Variants in POLR2D observed in about 807,000 individuals in gnomAD.
POLR2D encodes the protein RNA polymerase II subunit D.
In POLR2D, 10 loss-of-function variants were observed where a neutral mutation model predicts 17.6. That is an observed-to-expected ratio of 0.57 (90% CI 0.35 to 0.96). The LOEUF is 0.96. Ranked by LOEUF, POLR2D falls within the 40% of genes least tolerant of loss-of-function variation. The pLI is 0.02. For synonymous variants in POLR2D, 52 were observed against 60.2 expected, an observed-to-expected ratio of 0.86 and a Z score of 0.63; for missense variants, 126 against 176.4, an observed-to-expected ratio of 0.71 and a Z score of 1.62.
At chr2:127,851,567 C>A (rs1189941410) in intron 2 of POLR2D, among the ~76,000 whole-genome samples, 1 of 152,160 alleles carries the variant, frequency 6.6e-6, no homozygotes, top group African/African-American at 2.4e-5. Context: ...ACAGTGAGAC[C>A]TTGTCTCTAA....
Position 127,858,062 on chromosome 2 carries a change from T to C in POLR2D, c.39A>G (p.Val13=). ...AGATGAGCTGTGAGGCGTCCTCCTC[T>C]ACGTCGCCAGCCCGCGGATCGCTGC... ...AGGSDPRAGD[V]EEDASQLIFP... Residue 13 remains valine, a synonymous_variant, in exon 1 of 4, where the codon GTA becomes GTG. Transcript: ENST00000272645. The C allele has an allele frequency of 6.4e-7, 1 of 1,558,336 alleles. No homozygotes were observed. Among genetic ancestry groups the C allele is most frequent in the South Asian group, 1.2e-5 (1 of 84,944 alleles).
chr2:127,852,737 C>T lies in POLR2D; in HGVS notation c.254+188G>A, dbSNP rs1690271907. 6.6e-6 allele frequency among the ~76,000 whole-genome samples: 1 copy of T among 152,142 alleles called. No homozygotes were observed. Among genetic ancestry groups the T allele is most frequent in the African/African-American group, 2.4e-5 (1 of 41,428 alleles). On this transcript the variant is annotated intron_variant, in intron 2 of 3. Coordinates refer to ENST00000272645, the MANE Select transcript of POLR2D (RefSeq NM_004805.4). The surrounding 1 kb of genome is among the most constrained non-coding windows in gnomAD (Gnocchi z 4.0). ...TTTTTGCTATATCGACCAGGCTGGT[C>T]TTGAACACCTGGCCTCAAGTGATCT...
In POLR2D at chr2:127,846,109, C is replaced by G. The variant is rs1358046090; in HGVS notation, c.*1998G>C. Reference sequence around the variant, plus strand: ...TCTACTAAAAACACAAAAAATTAGCCAGGCGTGGTGGCAGGTACCTGTAAT... The same window carrying G: ...TCTACTAAAAACACAAAAAATTAGCGAGGCGTGGTGGCAGGTACCTGTAAT... On this transcript the variant is annotated 3_prime_UTR_variant, in exon 4 of 4. Coordinates refer to ENST00000272645, the MANE Select transcript of POLR2D (RefSeq NM_004805.4). 1 of 152,054 alleles carries G rather than the reference C, an allele frequency of 6.6e-6. No homozygotes were observed. The highest frequency in any genetic ancestry group is 1.5e-5 in the Non-Finnish European group (1 of 68,030). The allele number at this position is 152,054 out of a possible 1,614,324, so 9.4% of individuals were successfully genotyped here.
At chr2:127,857,917 G>A (rs893823130) in intron 1 of POLR2D, 111 bp downstream of exon 1, 3 of 1,451,590 alleles carry the variant, frequency 2.1e-6, no homozygotes, top group Non-Finnish European at 9.1e-7. Context: ...GCCGCGCTGG[G>A]GCTTGCCCAA....
intron 2 of POLR2D, among the ~76,000 whole-genome samples, chr2:127,850,991 C>G (rs183562114): frequency 2.0e-5 from 3 of 152,002 alleles, no homozygotes; most frequent in East Asian, 3.9e-4. Flanking sequence ...GAGGCCGAGG[C>G]GGGTGGATCA....
At chr2:127,857,841 G>C in intron 1 of POLR2D, 187 bp downstream of exon 1, 1 of 1,321,988 alleles carries the variant, frequency 7.6e-7, no homozygotes, top group Non-Finnish European at 9.6e-7. Flanking sequence ...AAATAACCCA[G>C]TTGCCCAGGC....
At chr2:127,857,933 C>G in intron 1 of POLR2D, 95 bp downstream of exon 1, 7 of 1,486,350 alleles carry the variant, frequency 4.7e-6, no homozygotes, top group Non-Finnish European at 5.4e-6. Flanking sequence ...CCCAAGCCGC[C>G]GCTGAGGCAG....
intron 1 of POLR2D, among the ~76,000 whole-genome samples, chr2:127,853,485 C>T (rs952304766): frequency 1.3e-5 from 2 of 152,100 alleles, no homozygotes; most frequent in Non-Finnish European, 2.9e-5. Flanking sequence ...GTCTTTTGTT[C>T]CTGTGTTAAT....
intron 1 of POLR2D, 188 bp downstream of exon 1, chr2:127,857,840 A>G (rs1690364001): frequency 1.5e-6 from 2 of 1,322,184 alleles, no homozygotes; most frequent in Non-Finnish European, 1.9e-6. Flanking sequence ...AAAATAACCC[A>G]GTTGCCCAGG....
rs1202454239 is a variant in POLR2D at position 127,854,329 on chromosome 2, T to TA, written c.74-1225dup. Among the ~76,000 whole-genome samples, 3 of 152,216 alleles carry TA rather than the reference T, an allele frequency of 2.0e-5. No homozygotes were observed. In the East Asian group the frequency reaches 5.8e-4, roughly 29 times the overall value. On this transcript the variant is annotated intron_variant, in intron 1 of 3. Transcript: ENST00000272645. ...GTTCCTAATGTTTATCTCAAAGTAT[T>TA]AGAGATAGTTTTTATCTGCCTTTCT... is the stretch of plus-strand genomic sequence containing the variant.
chr2:127,854,699 A>T (rs1690301394), intron 1 of POLR2D, among the ~76,000 whole-genome samples: 1 of 152,240 alleles, frequency 6.6e-6, no homozygotes, highest in South Asian at 2.1e-4. Context: ...CTATTGAAAT[A>T]AAATTAAAAT....
chr2:127,845,008 T>C lies in POLR2D; in HGVS notation c.*3099A>G, dbSNP rs1690127543. ...CACCTTGATAAATACCACTGATTAGTGCCTAACTATGTGCCAGAGCATTAT... is the reference window on the plus strand; with the variant it reads ...CACCTTGATAAATACCACTGATTAGCGCCTAACTATGTGCCAGAGCATTAT... On this transcript the variant is annotated 3_prime_UTR_variant, in exon 4 of 4. Coordinates refer to ENST00000272645, the MANE Select transcript of POLR2D (RefSeq NM_004805.4). 1 of 152,176 alleles carries C rather than the reference T, an allele frequency of 6.6e-6. No individual in the cohort carries two copies. The highest frequency in any genetic ancestry group is 2.1e-4 in the South Asian group (1 of 4,826). The allele number at this position is 152,176 out of a possible 1,614,324, so 9.4% of individuals were successfully genotyped here.
At chr2:127,849,052 G>A (rs1181877584) in intron 3 of POLR2D, among the ~76,000 whole-genome samples, 2 of 151,430 alleles carry the variant, frequency 1.3e-5, no homozygotes, top group Admixed American at 1.3e-4. Context: ...CACCTGGCCA[G>A]AGTTTTTTTT....
chr2:127,856,991 G>C (rs955422726), intron 1 of POLR2D: 2 of 151,840 alleles, frequency 1.3e-5, no homozygotes, highest in East Asian at 3.9e-4. Context: ...AGCCGAGTTC[G>C]TACCACTGCA....
intron 1 of POLR2D, 153 bp downstream of exon 1, chr2:127,857,875 C>T: frequency 7.4e-7 from 1 of 1,356,818 alleles, no homozygotes; most frequent in Non-Finnish European, 9.5e-7. Flanking sequence ...GCCATGGTCC[C>T]TCCCAAGGCC....
chr2:127,847,964 C>T lies in POLR2D; in HGVS notation c.*143G>A. The T allele has an allele frequency of 1.4e-6, 1 of 700,832 alleles. No homozygotes were observed. The highest frequency in any genetic ancestry group is 2.7e-5 in the East Asian group (1 of 36,710). 43.4% of individuals were successfully genotyped at this position (700,832 alleles called of 1,614,324 possible). On this transcript the variant is annotated 3_prime_UTR_variant, in exon 4 of 4. Coordinates refer to ENST00000272645, the MANE Select transcript of POLR2D (RefSeq NM_004805.4). ...TGAGTTATTTGAAACAGCAACCTAA[C>T]CCCACGCCAAGCTGGGCTGTTTTCT...
At chr2:127,855,509 C>T (rs1042703143) in intron 1 of POLR2D, among the ~76,000 whole-genome samples, 30 of 152,138 alleles carry the variant, frequency 2.0e-4, no homozygotes, top group Admixed American at 1.8e-3. Flanking sequence ...GTCAACTGTC[C>T]CTATTTCTCA....
intron 3 of POLR2D, among the ~76,000 whole-genome samples, chr2:127,849,973 A>G (rs1193068473): frequency 6.6e-6 from 1 of 152,224 alleles, no homozygotes; most frequent in African/African-American, 2.4e-5. Flanking sequence ...CCAGGAATGG[A>G]TTTTTGGAAC....
intron 3 of POLR2D, among the ~76,000 whole-genome samples, chr2:127,848,951 C>T (rs868636296): frequency 2.2e-4 from 34 of 152,280 alleles, no homozygotes; most frequent in Middle Eastern, 3.4e-3. Flanking sequence ...TGAGCCACCA[C>T]GCCCGGCCCT....
Sources: gnomAD v4.1 joint callset for allele counts (sites outside exome capture counted in the v4.1 genomes callset) on GRCh38, gnomAD v4.1.1 for gene constraint, Gnocchi (gnomAD v3.1) non-coding constraint, MANE v1.5 for transcripts, NCBI Gene and HGNC (gene_info 2026-07-23, HGNC 2026-07-21) for gene names.